NALF1: variants seen among roughly 807,000 people sequenced by gnomAD.
NALF1 encodes family with sequence similarity 155 member A.
A neutral mutation model predicts 48.4 loss-of-function variants in NALF1; 3 were observed. The observed-to-expected ratio is 0.06, with a 90% CI of 0.03 to 0.16. NALF1 has a LOEUF of 0.16. NALF1 is among the 10% of genes least tolerant of loss of function. The pLI is 1.00. For synonymous variants in NALF1, 262 were observed against 245.7 expected (o/e 1.07, Z -0.62); for missense variants, 526 against 571.5 (o/e 0.92, Z 0.81).
chr13:107,203,090 A>T (rs1307987338), intron 2 of NALF1, among the ~76,000 whole-genome samples: 1 of 152,226 alleles, frequency 6.6e-6, no homozygotes, highest in East Asian at 1.9e-4. Flanking sequence ...ATTCTTACAA[A>T]GAATTCGCGA....
Position 107,587,577 on chromosome 13 carries a change from C to T in NALF1, c.915+278105G>A, listed in dbSNP as rs147066545. On this transcript the variant is annotated intron_variant, in intron 1 of 2. Coordinates refer to ENST00000375915, the MANE Select transcript of NALF1 (RefSeq NM_001080396.3). ...AAGCAAGAGTAAGAATGGATAAAAA[C>T]GCACTCTTATAAGTGAGTCTGAGAA... Among the ~76,000 whole-genome samples the T allele has an allele frequency of 2.0e-4, 30 of 152,064 alleles. No individual in the cohort carries two copies. The East Asian group carries it at 5.0e-3, about 26-fold the overall frequency.
chr13:107,414,017 C>T (rs113436057), intron 1 of NALF1, among the ~76,000 whole-genome samples: 1 of 152,150 alleles, frequency 6.6e-6, no homozygotes, highest in African/African-American at 2.4e-5. Flanking sequence ...GAACTCCTGA[C>T]CTCAGGTGCT....
chr13:107,225,279 G>A lies in NALF1; in HGVS notation c.916-14524C>T, dbSNP rs1202674162. Among the ~76,000 whole-genome samples, 3 of 152,078 alleles carry A rather than the reference G, an allele frequency of 2.0e-5. No homozygotes were observed. The East Asian group carries it at 5.8e-4, about 29-fold the overall frequency. ...CCGCCTCGGCCTCCCAAAGTACTAG[G>A]ATTACAGGAGTGAGCTACTTACTGT... On this transcript the variant is annotated intron_variant, in intron 1 of 2. Transcript: ENST00000375915.
At chr13:107,511,750 T>C (rs1209668155) in intron 1 of NALF1, among the ~76,000 whole-genome samples, 2 of 152,182 alleles carry the variant, frequency 1.3e-5, no homozygotes, top group African/African-American at 2.4e-5. Context: ...GCATATCTAC[T>C]CAGAATATTG....
At chr13:107,790,094 T>C (rs1441327698) in intron 1 of NALF1, among the ~76,000 whole-genome samples, 1 of 152,170 alleles carries the variant, frequency 6.6e-6, no homozygotes, top group African/African-American at 2.4e-5. Context: ...CATAGGCTAA[T>C]TTAGGAAACT....
At chr13:107,327,699 T>A (rs1226965177) in intron 1 of NALF1, among the ~76,000 whole-genome samples, 2 of 152,196 alleles carry the variant, frequency 1.3e-5, no homozygotes, top group African/African-American at 4.8e-5. Flanking sequence ...GCTTTTCTTC[T>A]CTTTACCTAT....
rs932690900 is a variant in NALF1 at position 107,572,611 on chromosome 13, G to C, written c.915+293071C>G. 2.0e-5 allele frequency among the ~76,000 whole-genome samples: 3 copies of C among 152,148 alleles called. No homozygotes were observed. The South Asian group carries it at 6.2e-4, about 32-fold the overall frequency. On this transcript the variant is annotated intron_variant, in intron 1 of 2. Transcript: ENST00000375915. ...GGCAGGAGAACTCGTCACATTGCAA[G>C]GAGGGTAAAATCTCAGGCCTTTCAT... is the stretch of plus-strand genomic sequence containing the variant.
At chr13:107,182,057 A>G (rs1217122691) in intron 2 of NALF1, among the ~76,000 whole-genome samples, 2 of 152,072 alleles carry the variant, frequency 1.3e-5, no homozygotes, top group Middle Eastern at 3.2e-3. Context: ...GAGTTTCACA[A>G]TGATTGAAAA....
intron 1 of NALF1, among the ~76,000 whole-genome samples, chr13:107,225,258 C>T (rs2138819280): frequency 6.6e-6 from 1 of 152,258 alleles, no homozygotes; most frequent in Middle Eastern, 3.4e-3. Flanking sequence ...ATCCACCCGC[C>T]TCGGCCTCCC....
chr13:107,226,901 C>T (rs1349755018), intron 1 of NALF1, among the ~76,000 whole-genome samples: 2 of 152,218 alleles, frequency 1.3e-5, no homozygotes, highest in Non-Finnish European at 2.9e-5. Context: ...GTTCATCTCC[C>T]AGAACTGATG....
intron 1 of NALF1, among the ~76,000 whole-genome samples, chr13:107,803,320 T>C (rs937625166): frequency 6.6e-6 from 1 of 152,190 alleles, no homozygotes; most frequent in African/African-American, 2.4e-5. Flanking sequence ...CTATATTAAA[T>C]ATAACGTGGT....
At chr13:107,258,233 AT>A (rs1309011108) in intron 1 of NALF1, among the ~76,000 whole-genome samples, 2 of 152,210 alleles carry the variant, frequency 1.3e-5, no homozygotes, top group African/African-American at 4.8e-5. Flanking sequence ...ATTAGATGAT[AT>A]TTTAATAACT....
At chr13:107,579,476 C>A (rs901796295) in intron 1 of NALF1, among the ~76,000 whole-genome samples, 1 of 152,186 alleles carries the variant, frequency 6.6e-6, no homozygotes, top group African/African-American at 2.4e-5. Flanking sequence ...GGAGACAGAG[C>A]AAAGAGAAAA....
intron 1 of NALF1, among the ~76,000 whole-genome samples, chr13:107,225,229 G>C (rs910209232): frequency 6.6e-6 from 1 of 152,072 alleles, no homozygotes; most frequent in Non-Finnish European, 1.5e-5. Context: ...GGCTGGTCTT[G>C]GACTCCTGAC....
chr13:107,298,436 A>T (rs2138889894), intron 1 of NALF1, among the ~76,000 whole-genome samples: 1 of 139,938 alleles, frequency 7.1e-6, no homozygotes, highest in Non-Finnish European at 1.6e-5. Context: ...TTTTTATTTT[A>T]TTTATTTATG....
intron 1 of NALF1, among the ~76,000 whole-genome samples, chr13:107,440,241 T>C (rs1884533974): frequency 1.3e-5 from 2 of 152,204 alleles, no homozygotes; most frequent in Non-Finnish European, 2.9e-5. Context: ...AGTGGAGTAC[T>C]GTACTTATCT....
At position 107,683,580 on chromosome 13, in the gene NALF1, C is replaced by A. The variant is rs73601393; in HGVS notation, c.915+182102G>T. 7.7e-3 allele frequency among the ~76,000 whole-genome samples: 1,170 copies of A among 152,260 alleles called. 11 individuals are homozygous for A. The highest frequency in any genetic ancestry group is 0.026 in the African/African-American group (1,086 of 41,562). On this transcript the variant is annotated intron_variant, in intron 1 of 2. Coordinates refer to ENST00000375915, the MANE Select transcript of NALF1 (RefSeq NM_001080396.3). Reference sequence around the variant, plus strand: ...CATGGCAGGAAGCCTGCAGTGGGGACGGAGAATACAGTTCTTTCACTCCCT... The same window carrying A: ...CATGGCAGGAAGCCTGCAGTGGGGAAGGAGAATACAGTTCTTTCACTCCCT...
intron 1 of NALF1, among the ~76,000 whole-genome samples, chr13:107,283,042 G>A (rs750104408): frequency 5.3e-5 from 8 of 152,126 alleles, no homozygotes; most frequent in Non-Finnish European, 1.2e-4. Context: ...AGACGGAAAC[G>A]GTCAGTACAG....
chr13:107,643,537 T>C (rs900923549), intron 1 of NALF1, among the ~76,000 whole-genome samples: 1 of 132,706 alleles, frequency 7.5e-6, no homozygotes, highest in African/African-American at 2.7e-5. Context: ...ATACAGTGTA[T>C]TTGGTGGGGG....
Sources: gnomAD v4.1 joint callset for allele counts (sites outside exome capture counted in the v4.1 genomes callset) on GRCh38, gnomAD v4.1.1 for gene constraint, MANE v1.5 for transcripts, NCBI Gene and HGNC (gene_info 2026-07-23, HGNC 2026-07-21) for gene names.